ADAM20: variants seen among roughly 807,000 people sequenced by gnomAD.
ADAM20 encodes the protein disintegrin and metalloproteinase domain-containing protein 20.
For missense variants in ADAM20, 871 were observed against 883.2 expected (o/e 0.99, Z 0.18); for synonymous variants, 305 against 310.2 (o/e 0.98, Z 0.18).
At chr14:70,572,435 A>T in the ADAM20 span, among the ~76,000 whole-genome samples, 1 of 152,198 alleles carries the variant, frequency 6.6e-6, no homozygotes, top group Non-Finnish European at 1.5e-5. Context: ...CTCTCACCAT[A>T]TACAAAAATT....
chr14:70,530,201 G>T (rs75262982), intron 1 of ADAM20, among the ~76,000 whole-genome samples: 1 of 151,716 alleles, frequency 6.6e-6, no homozygotes, highest in Non-Finnish European at 1.5e-5. Context: ...AAAATTTTTT[G>T]TTAAAAACTA....
chr14:70,523,640 G>A lies in ADAM20; in HGVS notation c.1118C>T (p.Thr373Ile). 6.2e-7 allele frequency: 1 copy of A among 1,614,016 alleles called. No individual in the cohort carries two copies. Among genetic ancestry groups the A allele is most frequent in the East Asian group, 2.2e-5 (1 of 44,870 alleles). The change falls in exon 2 of 2, where the codon ACA becomes ATA. Residue 373 changes from threonine to isoleucine, a missense_variant. Physicochemically the swap from Thr to Ile is moderately conservative, Grantham distance 89. Coordinates refer to ENST00000256389, the MANE Select transcript of ADAM20 (RefSeq NM_003814.5). ...ATAACTGCAGTTGCTAAATTTAGTT[G>A]TCACCTTTCTATAGGCATGCATTAT... ...WCIMHAYRKV[T>I]TKFSNCSYAQ...
chr14:70,556,972 A>G, the ADAM20 span: 1 of 152,206 alleles, frequency 6.6e-6, no homozygotes, highest in African/African-American at 2.4e-5. Context: ...CGATGTTGAT[A>G]TATTTTTGGC....
chr14:70,575,584 A>G, the ADAM20 span, among the ~76,000 whole-genome samples: 1 of 152,216 alleles, frequency 6.6e-6, no homozygotes, highest in Non-Finnish European at 1.5e-5. Flanking sequence ...GTATATGCAC[A>G]TATACAAACT....
chr14:70,540,707 T>C, the ADAM20 span, among the ~76,000 whole-genome samples: 4 of 152,226 alleles, frequency 2.6e-5, no homozygotes, highest in Admixed American at 2.0e-4. Flanking sequence ...CTTGTGGCCT[T>C]AGGCAGTCTA....
the ADAM20 span, among the ~76,000 whole-genome samples, chr14:70,567,238 G>A: frequency 1.3e-5 from 2 of 152,058 alleles, no homozygotes; most frequent in African/African-American, 2.4e-5. Context: ...GGGTTTCTCC[G>A]CCCTTGAGTC....
Position 70,534,972 on chromosome 14 carries a change from T to G in ADAM20, c.-352A>C, listed in dbSNP as rs995943816. 8 of 152,216 alleles carry G rather than the reference T, an allele frequency of 5.3e-5. No individual in the cohort carries two copies. The highest frequency in any genetic ancestry group is 2.4e-5 in the African/African-American group (1 of 41,458). The allele number at this position is 152,216 out of a possible 1,614,324, so 9.4% of individuals were successfully genotyped here. A position where few individuals can be genotyped will look rare whatever the true frequency, so the allele number is the denominator to read the frequency against. On this transcript the variant is annotated 5_prime_UTR_variant, in exon 1 of 2. Coordinates refer to ENST00000256389, the MANE Select transcript of ADAM20 (RefSeq NM_003814.5). Reference sequence around the variant, plus strand: ...GAAAGATAAAATGGGAATCTGAGATTGATGTGGGCATGACCCTAGTCTTAA... The same window carrying G: ...GAAAGATAAAATGGGAATCTGAGATGGATGTGGGCATGACCCTAGTCTTAA...
the ADAM20 span, among the ~76,000 whole-genome samples, chr14:70,578,745 G>A: frequency 2.6e-5 from 4 of 152,044 alleles, no homozygotes; most frequent in Non-Finnish European, 4.4e-5. Flanking sequence ...TTGATACAAG[G>A]GTATATTGTG....
the ADAM20 span, among the ~76,000 whole-genome samples, chr14:70,558,248 A>C: frequency 1.3e-5 from 2 of 152,246 alleles, no homozygotes; most frequent in Non-Finnish European, 2.9e-5. Flanking sequence ...AAAGTCTTGT[A>C]GTCAAATACA....
chr14:70,528,948 C>T (rs1883650900), intron 1 of ADAM20, among the ~76,000 whole-genome samples: 1 of 152,014 alleles, frequency 6.6e-6, no homozygotes, highest in African/African-American at 2.4e-5. Flanking sequence ...AAAGATGAGA[C>T]TATATAATGA....
At chr14:70,545,752 C>T in the ADAM20 span, among the ~76,000 whole-genome samples, 1 of 152,088 alleles carries the variant, frequency 6.6e-6, no homozygotes, top group Non-Finnish European at 1.5e-5. Context: ...AGATAGACTC[C>T]AATACAGTAA....
chr14:70,532,836 T>G (rs1883742770), intron 1 of ADAM20, among the ~76,000 whole-genome samples: 1 of 152,210 alleles, frequency 6.6e-6, no homozygotes, highest in Non-Finnish European at 1.5e-5. Context: ...AATTAAGTTT[T>G]TTCAAAATAC....
chr14:70,571,973 T>C, the ADAM20 span, among the ~76,000 whole-genome samples: 1 of 152,150 alleles, frequency 6.6e-6, no homozygotes, highest in Non-Finnish European at 1.5e-5. Flanking sequence ...TTGAAAGAAA[T>C]TATAGATGAT....
At chr14:70,565,775 C>T in the ADAM20 span, among the ~76,000 whole-genome samples, 1 of 152,232 alleles carries the variant, frequency 6.6e-6, no homozygotes, top group East Asian at 1.9e-4. Context: ...GAGTAATCTA[C>T]AGCTGATGTA....
At chr14:70,555,397 C>T in the ADAM20 span, among the ~76,000 whole-genome samples, 1 of 152,094 alleles carries the variant, frequency 6.6e-6, no homozygotes, top group Non-Finnish European at 1.5e-5. Context: ...TAAATATATA[C>T]AATTTTAACT....
At chr14:70,554,919 C>T in the ADAM20 span, among the ~76,000 whole-genome samples, 1 of 152,164 alleles carries the variant, frequency 6.6e-6, no homozygotes, top group South Asian at 2.1e-4. Flanking sequence ...GGAGAGGGCC[C>T]GAGCATGGGG....
intron 1 of ADAM20, among the ~76,000 whole-genome samples, chr14:70,534,548 T>C (rs1250200586): frequency 6.6e-6 from 1 of 152,148 alleles, no homozygotes; most frequent in Non-Finnish European, 1.5e-5. Context: ...AATTTTATAC[T>C]AAGTGAAATA....
At chr14:70,555,275 AAAAG>A in the ADAM20 span, among the ~76,000 whole-genome samples, 2 of 152,222 alleles carry the variant, frequency 1.3e-5, no homozygotes, top group African/African-American at 4.8e-5. Context: ...CACCACAAAA[AAAAG>A]AAAAGAAATG....
rs60731609 is a variant in ADAM20 at position 70,524,067 on chromosome 14, G to T, written c.691C>A (p.Gln231Lys). Residue 231 changes from glutamine to lysine, a missense_variant, in exon 2 of 2, where the codon CAG becomes AAG. Physicochemically the swap from Gln to Lys is moderately conservative, Grantham distance 53. Transcript: ENST00000256389. ...TTGACAACGTTAAATACTTCATGCTGCACTGTTGTTGCATTACTTTGAGAG... is the reference window on the plus strand; with the variant it reads ...TTGACAACGTTAAATACTTCATGCTTCACTGTTGTTGCATTACTTTGAGAG... ...LFSQSNATTV[Q>K]HEVFNVVNIV... 6.9e-4 allele frequency: 1,114 copies of T among 1,613,916 alleles called. 9 individuals are homozygous for T. In the African/African-American group the frequency reaches 0.013, roughly 19 times the overall value.
Sources: allele counts gnomAD v4.1 joint callset (sites outside exome capture counted in the v4.1 genomes callset), GRCh38; gene constraint gnomAD v4.1.1; transcripts MANE v1.5; gene names NCBI Gene and HGNC (gene_info 2026-07-23, HGNC 2026-07-21).